DEAF1: variants seen among roughly 807,000 people sequenced by gnomAD.
DEAF1 encodes the protein DEAF1 transcription factor, also known as deformed epidermal autoregulatory factor 1 homolog.
Under a neutral mutation model 58.9 loss-of-function variants are expected in DEAF1, and 53 were observed. The observed-to-expected ratio is 0.90, with a 90% CI of 0.72 to 1.13. The LOEUF (loss-of-function observed/expected upper bound fraction) is 1.13. DEAF1 is among the 50% of genes most tolerant of loss of function. DEAF1 has a pLI of 0.00. For missense variants in DEAF1, 685 were observed against 791.4 expected, an observed-to-expected ratio of 0.87 and a Z score of 1.61; for synonymous variants, 385 against 340.4, an observed-to-expected ratio of 1.13 and a Z score of -1.44.
intron 10 of DEAF1, among the ~76,000 whole-genome samples, chr11:671,854 C>T (rs1416089522): frequency 2.6e-5 from 2 of 78,292 alleles, no homozygotes; most frequent in East Asian, 9.8e-4. Flanking sequence ...AAAAAAGAAA[C>T]ACAAAAAACA....
intron 9 of DEAF1, among the ~76,000 whole-genome samples, chr11:676,497 C>T (rs999310071): frequency 6.6e-6 from 1 of 151,360 alleles, no homozygotes; most frequent in Admixed American, 6.6e-5. Context: ...GCAGAATCAG[C>T]GCCGTGGACA....
rs754009591 is a variant in DEAF1, at chr11:653,937, T to C, written c.1593+25A>G. ...GTAGCGAGGGAGGAGGCGGGGGCAC[T>C]GAGCCTGGTGTAGGTGAGACCTACC... On this transcript the variant is annotated intron_variant, in intron 11 of 11. Coordinates refer to ENST00000382409, the MANE Select transcript of DEAF1 (RefSeq NM_021008.4). The C allele has an allele frequency of 1.9e-6, 3 of 1,610,564 alleles. No homozygotes were observed. In the East Asian group the frequency reaches 6.7e-5, roughly 36 times the overall value.
At chr11:675,109 C>T (rs1313876058) in intron 9 of DEAF1, among the ~76,000 whole-genome samples, 15 of 151,924 alleles carry the variant, frequency 9.9e-5, no homozygotes, top group Admixed American at 7.2e-4. Flanking sequence ...GGTGTGAAGC[C>T]GGGAGGCAGA....
At chr11:691,400 A>G in intron 2 of DEAF1, 101 bp downstream of exon 2, 1 of 1,063,500 alleles carries the variant, frequency 9.4e-7, no homozygotes, top group African/African-American at 1.6e-5. Context: ...CACAGAGCAG[A>G]CGTTCACACA....
intron 10 of DEAF1, among the ~76,000 whole-genome samples, chr11:663,525 G>C: frequency 6.6e-6 from 1 of 151,436 alleles, no homozygotes; most frequent in East Asian, 1.9e-4. Flanking sequence ...ACTGCCTCTG[G>C]TGTGAATACC....
chr11:645,326 G>A (rs1461813383), intron 11 of DEAF1, among the ~76,000 whole-genome samples: 1 of 151,882 alleles, frequency 6.6e-6, no homozygotes, highest in Non-Finnish European at 1.5e-5. Context: ...GGGTTTTTTT[G>A]TTGTTTTTCG....
In DEAF1 at chr11:694,857, G is replaced by A; in HGVS notation, c.191C>T (p.Thr64Met). The A allele has an allele frequency of 6.7e-7, 1 of 1,496,926 alleles. No individual in the cohort carries two copies. The highest frequency in any genetic ancestry group is 8.9e-7 in the Non-Finnish European group (1 of 1,128,380). 92.7% of individuals were successfully genotyped at this position (1,496,926 alleles called of 1,614,324 possible). A position where few individuals can be genotyped will look rare whatever the true frequency, so the allele number is the denominator to read the frequency against. The change falls in exon 1 of 12, where the codon ACG (threonine) becomes ATG (methionine). Residue 64 changes from threonine (T) to methionine (M), a missense_variant. Thr to Met is a moderately conservative substitution (Grantham distance 81). Transcript: ENST00000382409. ...CTCCGCCGCCATCACCGCCACTGCCGTGACCCGCGGCGTCTCCCGCTCCGC... is the reference window on the plus strand; with the variant it reads ...CTCCGCCGCCATCACCGCCACTGCCATGACCCGCGGCGTCTCCCGCTCCGC... ...SEAERETPRV[T>M]AVAVMAAEPG...
intron 1 of DEAF1, chr11:700,644 C>G: frequency 1.2e-6 from 2 of 1,614,140 alleles, no homozygotes; most frequent in South Asian, 2.2e-5. Flanking sequence ...TCACCGCTAC[C>G]TGGTCCTCGA....
intron 5 of DEAF1, among the ~76,000 whole-genome samples, chr11:686,133 A>T (rs1564949110): frequency 6.6e-6 from 1 of 151,192 alleles, no homozygotes; most frequent in Non-Finnish European, 1.5e-5. Context: ...AAATTAAAAA[A>T]AAAAAAAAAA....
intron 1 of DEAF1, chr11:704,314 G>A: frequency 1.3e-6 from 1 of 748,986 alleles, no homozygotes; most frequent in Non-Finnish European, 1.9e-6. Context: ...GGCCTCCACT[G>A]GGGCTCCCTC....
intron 10 of DEAF1, among the ~76,000 whole-genome samples, chr11:661,347 T>A (rs1194584667): frequency 2.6e-5 from 4 of 152,036 alleles, no homozygotes; most frequent in African/African-American, 9.7e-5. Context: ...AGATTTCCCA[T>A]GGTTAAAGCT....
At chr11:671,470 CCTCAGCCT>C (rs1360515050) in intron 10 of DEAF1, among the ~76,000 whole-genome samples, 1 of 151,994 alleles carries the variant, frequency 6.6e-6, no homozygotes, top group Non-Finnish European at 1.5e-5. Context: ...GATCCTCCCA[CCTCAGCCT>C]CTCAAAGCAC....
chr11:672,596 C>T (rs1859879893), intron 10 of DEAF1, among the ~76,000 whole-genome samples: 1 of 152,170 alleles, frequency 6.6e-6, no homozygotes, highest in African/African-American at 2.4e-5. Flanking sequence ...CCTGTAATCC[C>T]AGCACTTTGG....
In DEAF1 at chr11:704,384, C is replaced by T. The variant is rs576874419; in HGVS notation, c.-438+2188G>A. The T allele has an allele frequency of 1.2e-4, 138 of 1,140,926 alleles. No individual in the cohort carries two copies. The East Asian group carries it at 6.4e-3, about 53-fold the overall frequency. The allele number at this position is 1,140,926 out of a possible 1,614,324, so 70.7% of individuals were successfully genotyped here. On this transcript the variant is annotated intron_variant, in intron 1 of 11. Coordinates refer to the DEAF1 transcript ENST00000683307. ...TCTTTCCTGCCTGTCTTCGTGGAAGCGGTGGGAGCACCCAGTTGTCCTGGG... is the reference window on the plus strand; with the variant it reads ...TCTTTCCTGCCTGTCTTCGTGGAAGTGGTGGGAGCACCCAGTTGTCCTGGG...
chr11:645,979 G>A (rs993304112), intron 11 of DEAF1, among the ~76,000 whole-genome samples: 5 of 152,250 alleles, frequency 3.3e-5, no homozygotes, highest in South Asian at 2.1e-4. Context: ...TAGGCCGGGC[G>A]CAGTGGTTCA....
At chr11:686,534 G>A (rs1371185273) in intron 5 of DEAF1, among the ~76,000 whole-genome samples, 1 of 152,180 alleles carries the variant, frequency 6.6e-6, no homozygotes, top group Non-Finnish European at 1.5e-5. Flanking sequence ...AAACAGAAGC[G>A]ATTATCTTAA....
At chr11:659,702 A>AGATCC (rs1293821921) in intron 10 of DEAF1, among the ~76,000 whole-genome samples, 1 of 152,174 alleles carries the variant, frequency 6.6e-6, no homozygotes, top group Non-Finnish European at 1.5e-5. Context: ...TAGCCTTTGC[A>AGATCC]GATCCGCTCC....
At chr11:654,119 G>A (rs1208596226) in intron 10 of DEAF1, 68 bp from the exon 11 acceptor site, 12 of 1,333,392 alleles carry the variant, frequency 9.0e-6, no homozygotes, top group Non-Finnish European at 1.3e-5. Context: ...ACCGGGGACA[G>A]AGGCAGGTGC....
chr11:671,841 A>C (rs1445416601), intron 10 of DEAF1, among the ~76,000 whole-genome samples: 4 of 133,796 alleles, frequency 3.0e-5, no homozygotes, highest in African/African-American at 1.1e-4. Flanking sequence ...AAAAAAAAAA[A>C]AAAAAAAAGA....
Sources: allele counts gnomAD v4.1 joint callset (sites outside exome capture counted in the v4.1 genomes callset), GRCh38; gene constraint gnomAD v4.1.1; transcripts MANE v1.5; gene names NCBI Gene and HGNC (gene_info 2026-07-23, HGNC 2026-07-21).